The following SLCO6A1 variants were observed in gnomAD, a reference collection of about 807,000 sequenced individuals.
SLCO6A1 encodes the protein solute carrier organic anion transporter family member 6A1.
Under a neutral mutation model 72.7 loss-of-function variants are expected in SLCO6A1, and 65 were observed. That is an observed-to-expected ratio of 0.89 (90% confidence interval 0.73 to 1.10). The LOEUF is 1.10. Among genes scored for constraint, SLCO6A1 ranks in the 50% least tolerant of loss-of-function variants. The probability of loss-of-function intolerance (pLI) is 0.00; values close to 1 mark genes in which losing one functional copy is unlikely to be tolerated. For missense variants in SLCO6A1, 874 were observed against 872.6 expected, an observed-to-expected ratio of 1.00 and a Z score of -0.02; for synonymous variants, 314 against 298.2, an observed-to-expected ratio of 1.05 and a Z score of -0.55.
chr5:102,479,620 T>C (rs1752084449), intron 2 of SLCO6A1, among the ~76,000 whole-genome samples: 1 of 152,100 alleles, frequency 6.6e-6, no homozygotes, highest in South Asian at 2.1e-4. Flanking sequence ...TTCATGTCCT[T>C]ACTTCTTTCA....
Position 102,371,777 on chromosome 5 carries a change from A to G in SLCO6A1, c.*362T>C, listed in dbSNP as rs1316592005. On this transcript the variant is annotated 3_prime_UTR_variant, in exon 14 of 14. Coordinates refer to ENST00000506729, the MANE Select transcript of SLCO6A1 (RefSeq NM_173488.5). ...ACAAACACACTGTACAAGCATGTTC[A>G]AAGTGGCTTTGAATGTTATTATTTT... is the stretch of plus-strand genomic sequence containing the variant. 2.6e-5 allele frequency: 4 copies of G among 151,916 alleles called. No individual in the cohort carries two copies. The highest frequency in any genetic ancestry group is 2.6e-4 in the Admixed American group (4 of 15,226). The allele number at this position is 151,916 out of a possible 1,614,324, so 9.4% of individuals were successfully genotyped here.
intron 8 of SLCO6A1, 53 bp from the exon 9 acceptor site, chr5:102,413,196 A>G: frequency 1.4e-6 from 2 of 1,472,990 alleles, no homozygotes; most frequent in Non-Finnish European, 1.8e-6. Context: ...ATAATTATTG[A>G]TGCAAATGTC....
intron 4 of SLCO6A1, among the ~76,000 whole-genome samples, chr5:102,460,072 T>A (rs1270486548): frequency 6.6e-6 from 1 of 152,038 alleles, no homozygotes; most frequent in East Asian, 1.9e-4. Flanking sequence ...TATTTAACTT[T>A]TTTTTATCCA....
intron 12 of SLCO6A1, among the ~76,000 whole-genome samples, chr5:102,378,270 G>A (rs1745918378): frequency 2.0e-5 from 3 of 151,988 alleles, no homozygotes; most frequent in Non-Finnish European, 4.4e-5. Flanking sequence ...GTAGGGACAT[G>A]GATGAAGCTG....
chr5:102,384,052 T>C (rs1434701365), intron 12 of SLCO6A1, among the ~76,000 whole-genome samples: 1 of 151,896 alleles, frequency 6.6e-6, no homozygotes, highest in Non-Finnish European at 1.5e-5. Context: ...TATAATTTTA[T>C]TTATTTGAGT....
At chr5:102,461,578 AG>A (rs1041010965) in intron 4 of SLCO6A1, among the ~76,000 whole-genome samples, 3 of 151,258 alleles carry the variant, frequency 2.0e-5, no homozygotes, top group African/African-American at 7.4e-5. Flanking sequence ...AATGTTTGTC[AG>A]GGAATAGATT....
chr5:102,445,688 GT>G (rs1256189180), intron 6 of SLCO6A1, among the ~76,000 whole-genome samples: 1 of 152,052 alleles, frequency 6.6e-6, no homozygotes, highest in Non-Finnish European at 1.5e-5. Flanking sequence ...GTCTTCTATG[GT>G]TTTTATACTT....
chr5:102,406,371 CA>C (rs1244750723), intron 9 of SLCO6A1, among the ~76,000 whole-genome samples: 1 of 151,380 alleles, frequency 6.6e-6, no homozygotes, highest in Non-Finnish European at 1.5e-5. Context: ...TTATCGGAGA[CA>C]AAAAGGGACA....
At chr5:102,468,433 G>GTT (rs1018338706) in intron 4 of SLCO6A1, among the ~76,000 whole-genome samples, 31 of 152,108 alleles carry the variant, frequency 2.0e-4, no homozygotes, top group African/African-American at 7.2e-4. Context: ...GTGGAGTACT[G>GTT]AAGTCCCCAC....
intron 6 of SLCO6A1, among the ~76,000 whole-genome samples, chr5:102,456,889 G>T (rs1750750153): frequency 6.6e-6 from 1 of 152,132 alleles, no homozygotes; most frequent in South Asian, 2.1e-4. Flanking sequence ...GCATGGTACT[G>T]GTACCAAAAC....
intron 6 of SLCO6A1, among the ~76,000 whole-genome samples, chr5:102,449,014 C>T (rs1031956907): frequency 6.6e-6 from 1 of 152,074 alleles, no homozygotes; most frequent in African/African-American, 2.4e-5. Context: ...TGTTTCATTT[C>T]CATGTTTAGC....
At chr5:102,414,680 G>A (rs780255789) in intron 8 of SLCO6A1, among the ~76,000 whole-genome samples, 2 of 152,112 alleles carry the variant, frequency 1.3e-5, no homozygotes, top group African/African-American at 4.8e-5. Flanking sequence ...GATTGTCTGA[G>A]CTCAGGAGTT....
chr5:102,453,337 CAAAAAA>C (rs34076015), intron 6 of SLCO6A1, among the ~76,000 whole-genome samples: 1 of 136,366 alleles, frequency 7.3e-6, no homozygotes, highest in Non-Finnish European at 1.6e-5. Flanking sequence ...GACCCTGCCT[CAAAAAA>C]AAAAAAAAAA....
intron 6 of SLCO6A1, among the ~76,000 whole-genome samples, chr5:102,446,740 A>G (rs951314962): frequency 8.0e-5 from 11 of 137,642 alleles, no homozygotes; most frequent in African/African-American, 2.7e-4. Context: ...TTCGATGCCT[A>G]GTTTGTTGAA....
At chr5:102,456,597 A>G (rs1348023646) in intron 6 of SLCO6A1, among the ~76,000 whole-genome samples, 2 of 152,220 alleles carry the variant, frequency 1.3e-5, no homozygotes, top group African/African-American at 4.8e-5. Flanking sequence ...TCAACGAAAT[A>G]AAAGAGGATA....
chr5:102,402,469 C>T (rs1298267107), intron 9 of SLCO6A1, among the ~76,000 whole-genome samples: 3 of 152,126 alleles, frequency 2.0e-5, no homozygotes, highest in Non-Finnish European at 4.4e-5. Context: ...TCTAAAAGTA[C>T]TAATGAGTGT....
intron 4 of SLCO6A1, among the ~76,000 whole-genome samples, chr5:102,475,495 T>C (rs894743475): frequency 2.6e-5 from 4 of 152,126 alleles, no homozygotes; most frequent in African/African-American, 9.6e-5. Context: ...AACAGTGCTG[T>C]ACTATGCACT....
At chr5:102,386,340 G>A (rs955285923) in intron 12 of SLCO6A1, among the ~76,000 whole-genome samples, 2 of 152,146 alleles carry the variant, frequency 1.3e-5, no homozygotes, top group Admixed American at 1.3e-4. Flanking sequence ...ATGTTCATGG[G>A]GGTTGAGATG....
At chr5:102,400,318 TA>T (rs2112551238) in intron 9 of SLCO6A1, among the ~76,000 whole-genome samples, 1 of 152,060 alleles carries the variant, frequency 6.6e-6, no homozygotes, top group East Asian at 1.9e-4. Context: ...ATAAATTATA[TA>T]AAATGAATAT....
Sources: allele counts gnomAD v4.1 joint callset (sites outside exome capture counted in the v4.1 genomes callset), GRCh38; gene constraint gnomAD v4.1.1; transcripts MANE v1.5; gene names NCBI Gene and HGNC (gene_info 2026-07-23, HGNC 2026-07-21).